The following EGLN1 variants were observed in gnomAD, a reference collection of about 807,000 sequenced individuals.
EGLN1 encodes the protein egl-9 family hypoxia inducible factor 1, also known as egl nine homolog 1.
Under a neutral mutation model 38.3 loss-of-function variants are expected in EGLN1, and 17 were observed. The observed-to-expected ratio is 0.44, with a 90% CI of 0.30 to 0.67. EGLN1 has a LOEUF of 0.67. Among genes scored for constraint, EGLN1 ranks in the 30% least tolerant of loss-of-function variants. The pLI, the probability that EGLN1 is intolerant of heterozygous loss-of-function variation, is 0.08. For missense variants in EGLN1, 477 were observed against 603.3 expected (o/e 0.79, Z 2.19); for synonymous variants, 283 against 257.5 (o/e 1.10, Z -0.95).
chr1:231,366,132 C>T lies in EGLN1; in HGVS notation c.*279G>A, dbSNP rs1687639343. 1 of 456,338 alleles carries T rather than the reference C, an allele frequency of 2.2e-6. No individual in the cohort carries two copies. Among genetic ancestry groups the T allele is most frequent in the Non-Finnish European group, 3.9e-6 (1 of 257,172 alleles). 28.3% of individuals were successfully genotyped at this position (456,338 alleles called of 1,614,324 possible). A position where few individuals can be genotyped will look rare whatever the true frequency, so the allele number is the denominator to read the frequency against. On this transcript the variant is annotated 3_prime_UTR_variant, in exon 5 of 5. Transcript: ENST00000366641. Reference sequence around the variant, plus strand: ...GCAAAATATAAGAATGAAAAAAATTCTACACAGGGCACTTATTTCATATCC... The same window carrying T: ...GCAAAATATAAGAATGAAAAAAATTTTACACAGGGCACTTATTTCATATCC...
At position 231,421,155 on chromosome 1, in the gene EGLN1, C is replaced by T; in HGVS notation, c.734G>A (p.Ser245Asn). 1 of 1,614,216 alleles carries T rather than the reference C, an allele frequency of 6.2e-7. No individual in the cohort carries two copies. Among genetic ancestry groups the T allele is most frequent in the Non-Finnish European group, 8.5e-7 (1 of 1,180,030 alleles). The change falls in exon 1 of 5, where the codon AGT becomes AAT. Residue 245 changes from serine to asparagine, a missense_variant. Ser to Asn is a conservative substitution (Grantham distance 46, BLOSUM62 1). Coordinates refer to ENST00000366641, the MANE Select transcript of EGLN1 (RefSeq NM_022051.3). This position sits in a 1 kb window ranked among gnomAD's most constrained non-coding sequence, Gnocchi z 5.5. Reference protein sequence around the residue: ...FTDGQLVSQKSDSSKDIRGDK... With the variant: ...FTDGQLVSQKNDSSKDIRGDK... ...GCCTCGGATGTCCTTGGACGAGTCA[C>T]TCTTCTGGCTGACCAGCTGCCCGTC...
At chr1:231,372,727 G>A (rs1687859154) in intron 2 of EGLN1, among the ~76,000 whole-genome samples, 2 of 152,126 alleles carry the variant, frequency 1.3e-5, no homozygotes. Context: ...CTGGACTAGG[G>A]CAGAGAAAAC....
At position 231,364,604 on chromosome 1, in the gene EGLN1, A is replaced by G. The variant is rs961217844; in HGVS notation, c.*1807T>C. The G allele has an allele frequency of 1.0e-5, 1 of 99,106 alleles. No homozygotes were observed. Among genetic ancestry groups the G allele is most frequent in the South Asian group, 3.2e-4 (1 of 3,138 alleles). The allele number at this position is 99,106 out of a possible 1,614,324, so 6.1% of individuals were successfully genotyped here. On this transcript the variant is annotated 3_prime_UTR_variant, in exon 5 of 5. Transcript: ENST00000366641. Reference sequence around the variant, plus strand: ...CTAAGTCCACTGTTGGCTTCACTACACAATTTTTTTCCATGTTTTACATGA... The same window carrying G: ...CTAAGTCCACTGTTGGCTTCACTACGCAATTTTTTTCCATGTTTTACATGA...
At chr1:231,399,266 C>A (rs1688606015) in intron 1 of EGLN1, among the ~76,000 whole-genome samples, 1 of 152,132 alleles carries the variant, frequency 6.6e-6, no homozygotes, top group Non-Finnish European at 1.5e-5. Flanking sequence ...ATCCTCCCAA[C>A]AATCCTGCTA....
chr1:231,417,545 C>T (rs1167974128), intron 1 of EGLN1, among the ~76,000 whole-genome samples: 1 of 152,080 alleles, frequency 6.6e-6, no homozygotes, highest in African/African-American at 2.4e-5. Context: ...TTTCTTTCTA[C>T]TGCATATCAT....
chr1:231,409,735 T>C (rs1028130950), intron 1 of EGLN1, among the ~76,000 whole-genome samples: 2 of 152,186 alleles, frequency 1.3e-5, no homozygotes, highest in African/African-American at 4.8e-5. Flanking sequence ...TTATTACTAT[T>C]ATTTGTTACA....
intron 1 of EGLN1, among the ~76,000 whole-genome samples, chr1:231,419,259 T>C (rs933515327): frequency 6.6e-6 from 1 of 152,172 alleles, no homozygotes; most frequent in South Asian, 2.1e-4. Context: ...TATTTCCTAA[T>C]AGCATCTCTA....
chr1:231,405,360 G>A (rs1356529327), intron 1 of EGLN1, among the ~76,000 whole-genome samples: 1 of 151,764 alleles, frequency 6.6e-6, no homozygotes, highest in Non-Finnish European at 1.5e-5. Context: ...TGTATTTTTA[G>A]TAGAGACAGG....
chr1:231,385,054 C>T (rs1199286424), intron 1 of EGLN1, among the ~76,000 whole-genome samples: 1 of 152,088 alleles, frequency 6.6e-6, no homozygotes, highest in Non-Finnish European at 1.5e-5. Flanking sequence ...ACAGTGGTAG[C>T]AATGGAGGTG....
intron 1 of EGLN1, among the ~76,000 whole-genome samples, chr1:231,404,535 CAGG>C (rs1381451915): frequency 2.6e-5 from 4 of 151,850 alleles, no homozygotes. Flanking sequence ...CCCAGCTATT[CAGG>C]AGGGTGAGGC....
chr1:231,410,058 T>C (rs1360036008), intron 1 of EGLN1, among the ~76,000 whole-genome samples: 3 of 152,086 alleles, frequency 2.0e-5, no homozygotes, highest in Non-Finnish European at 4.4e-5. Context: ...AATAGTAACA[T>C]TTAAGGGGCA....
intron 1 of EGLN1, among the ~76,000 whole-genome samples, chr1:231,419,710 A>G (rs1656504421): frequency 6.6e-6 from 1 of 152,200 alleles, no homozygotes; most frequent in South Asian, 2.1e-4. Context: ...TTGTGCCTTC[A>G]TCCAGCAATG....
chr1:231,421,346 G>A lies in EGLN1; in HGVS notation c.543C>T (p.Pro181=). 1 of 1,610,754 alleles carries A rather than the reference G, an allele frequency of 6.2e-7. No homozygotes were observed. The highest frequency in any genetic ancestry group is 8.5e-7 in the Non-Finnish European group (1 of 1,178,678). ...DALSPGGGLR[P]NGQTKPLPAL... Reference sequence around the variant, plus strand: ...CCGGCAGGGGCTTCGTCTGCCCGTTGGGCCGCAGGCCGCCGCCGGGGCTCA... The same window carrying A: ...CCGGCAGGGGCTTCGTCTGCCCGTTAGGCCGCAGGCCGCCGCCGGGGCTCA... The change falls in exon 1 of 5, where the codon CCC becomes CCT. Residue 181 remains proline (P), a synonymous_variant. Coordinates refer to ENST00000366641, the MANE Select transcript of EGLN1 (RefSeq NM_022051.3). The surrounding 1 kb of genome is among the most constrained non-coding windows in gnomAD (Gnocchi z 5.5).
chr1:231,405,054 T>G (rs2102929845), intron 1 of EGLN1, among the ~76,000 whole-genome samples: 1 of 152,292 alleles, frequency 6.6e-6, no homozygotes, highest in South Asian at 2.1e-4. Flanking sequence ...AATCTAAAAT[T>G]GAATCTGAAC....
chr1:231,399,936 G>C (rs1688623005), intron 1 of EGLN1, among the ~76,000 whole-genome samples: 1 of 152,120 alleles, frequency 6.6e-6, no homozygotes, highest in African/African-American at 2.4e-5. Context: ...AACATCACTT[G>C]AAGGCACATG....
At position 231,421,892 on chromosome 1, in the gene EGLN1, G is replaced by A. The variant is rs1242003939; in HGVS notation, c.-4C>T. The A allele has an allele frequency of 2.8e-6, 4 of 1,413,374 alleles. No individual in the cohort carries two copies. Among genetic ancestry groups the A allele is most frequent in the Non-Finnish European group, 2.7e-6 (3 of 1,093,694 alleles). The allele number at this position is 1,413,374 out of a possible 1,614,324, so 87.6% of individuals were successfully genotyped here. A position where few individuals can be genotyped will look rare whatever the true frequency, so the allele number is the denominator to read the frequency against. On this transcript the variant is annotated 5_prime_UTR_variant, in exon 1 of 5. Transcript: ENST00000366641. This position sits in a 1 kb window ranked among gnomAD's most constrained non-coding sequence, Gnocchi z 5.5. ...GCCCGCCGCTGTCATTGGCCATGGC[G>A]GCGGCGGCGGCGGCGACGGCGACTG... is the stretch of plus-strand genomic sequence containing the variant.
At chr1:231,393,168 G>A (rs940548816) in intron 1 of EGLN1, among the ~76,000 whole-genome samples, 6 of 102,514 alleles carry the variant, frequency 5.9e-5, no homozygotes, top group African/African-American at 1.6e-4. Context: ...GAAAAGAAAA[G>A]CTGAGAGATC....
chr1:231,388,587 G>A (rs538943924), intron 1 of EGLN1, among the ~76,000 whole-genome samples: 4 of 151,638 alleles, frequency 2.6e-5, no homozygotes, highest in Non-Finnish European at 4.4e-5. Flanking sequence ...TTCCCCTGCC[G>A]CAGCCTCCCA....
rs1656653136 is a variant in EGLN1 at position 231,422,083 on chromosome 1, C to T, written c.-195G>A. 2 of 461,390 alleles carry T rather than the reference C, an allele frequency of 4.3e-6. No homozygotes were observed. Among genetic ancestry groups the T allele is most frequent in the Non-Finnish European group, 7.1e-6 (2 of 281,896 alleles). The allele number at this position is 461,390 out of a possible 1,614,324, so 28.6% of individuals were successfully genotyped here. A position where few individuals can be genotyped will look rare whatever the true frequency, so the allele number is the denominator to read the frequency against. On this transcript the variant is annotated 5_prime_UTR_variant, in exon 1 of 5. Coordinates refer to ENST00000366641, the MANE Select transcript of EGLN1 (RefSeq NM_022051.3). ...CGCTTCCGAGTCCTAAGCTCCGGCG[C>T]AGCGCCGGCAGCCGCCTCAGCGCCT...
Sources: gnomAD v4.1 joint callset for allele counts (sites outside exome capture counted in the v4.1 genomes callset) on GRCh38, gnomAD v4.1.1 for gene constraint, Gnocchi (gnomAD v3.1) non-coding constraint, MANE v1.5 for transcripts, NCBI Gene and HGNC (gene_info 2026-07-23, HGNC 2026-07-21) for gene names.